The following PP2D1 variants were observed in gnomAD, a reference collection of about 807,000 sequenced individuals.
PP2D1 encodes the protein protein phosphatase 2C like domain containing 1, also known as protein phosphatase 2C-like domain-containing protein 1.
PP2D1 carries 25 observed loss-of-function variants against 30.2 expected under a neutral mutation model. The observed-to-expected ratio is 0.83, with a 90% CI of 0.60 to 1.16. The LOEUF is 1.16. Among genes scored for constraint, PP2D1 ranks in the 50% most tolerant of loss-of-function variants. PP2D1 has a pLI of 0.00. For missense variants in PP2D1, 760 were observed against 742.4 expected (o/e 1.02, Z -0.28); for synonymous variants, 260 against 258.9 (o/e 1.00, Z -0.04).
downstream of PP2D1, chr3:19,985,226 AT>A: frequency 1.6e-6 from 1 of 617,200 alleles, no homozygotes; most frequent in Non-Finnish European, 2.7e-6. Flanking sequence ...GTGAATATAT[AT>A]AAATGATACT....
chr3:19,988,449 C>G (rs1406196468), intron 2 of PP2D1, among the ~76,000 whole-genome samples: 1 of 152,170 alleles, frequency 6.6e-6, no homozygotes, highest in Admixed American at 6.5e-5. Flanking sequence ...GACCTGTTGT[C>G]TGCTCTCAAA....
chr3:19,998,981 G>A (rs1422172620), intron 2 of PP2D1, among the ~76,000 whole-genome samples: 1 of 151,854 alleles, frequency 6.6e-6, no homozygotes, highest in Non-Finnish European at 1.5e-5. Context: ...AATGCAACAT[G>A]CCTAGATGCA....
At chr3:19,988,326 C>T (rs560380509) in intron 2 of PP2D1, among the ~76,000 whole-genome samples, 12 of 152,248 alleles carry the variant, frequency 7.9e-5, no homozygotes, top group Admixed American at 1.3e-4. Context: ...TCTGAAATGG[C>T]CTCTCTGGGA....
At chr3:19,984,260 C>A, downstream of PP2D1, 1 of 429,552 alleles carries the variant, frequency 2.3e-6, no homozygotes, top group African/African-American at 2.1e-5. Context: ...TGATGCTTAG[C>A]CATAGTATTC....
chr3:19,990,468 T>A (rs1229736391), intron 2 of PP2D1, among the ~76,000 whole-genome samples: 1 of 151,850 alleles, frequency 6.6e-6, no homozygotes, highest in African/African-American at 2.4e-5. Flanking sequence ...TTTACCTGTA[T>A]GAATGGTGCA....
In PP2D1 at chr3:20,004,774, A is replaced by T. The variant is rs185020877; in HGVS notation, c.24-2678T>A. 4.2e-4 allele frequency among the ~76,000 whole-genome samples: 64 copies of T among 152,154 alleles called. 2 individuals carry two copies. In the East Asian group the frequency reaches 8.9e-3, roughly 21 times the overall value. On this transcript the variant is annotated intron_variant, in intron 1 of 2. Coordinates refer to ENST00000389050, the MANE Select transcript of PP2D1 (RefSeq NM_001252657.2). ...CCTATGAAAAGTTAGAGACCAGAAA[A>T]AAAAATACTTTGGTTACAAAATATT...
chr3:19,982,763 T>TAA (rs62910362), downstream of PP2D1, among the ~76,000 whole-genome samples: 20 of 139,872 alleles, frequency 1.4e-4, no homozygotes, highest in Admixed American at 2.9e-4. Flanking sequence ...CCTTGTCTCT[T>TAA]AAAAAAAAAA....
At chr3:19,984,577 C>T (rs890134387), downstream of PP2D1, 16 of 172,028 alleles carry the variant, frequency 9.3e-5, no homozygotes, top group African/African-American at 3.4e-4. Flanking sequence ...AATTAATCAC[C>T]GCTGGCCATT....
rs1559495520 is a variant in PP2D1 at position 19,985,749 on chromosome 3, C to G, written c.1524G>C (p.Gln508His). Residue 508 changes from glutamine (Q) to histidine (H), a missense_variant, in exon 3 of 3, where the codon CAG becomes CAC. By Grantham distance (24) the Gln-to-His change is conservative. Around this residue, in one of 3 missense-constraint regions of PP2D1, gnomAD observed 369 missense variants for 316.2 expected, o/e 1.17. Coordinates refer to ENST00000389050, the MANE Select transcript of PP2D1 (RefSeq NM_001252657.2). ...STSEPNLTKS[Q>H]SNIHVLFQYK... ...ACTGAAACAATACGTGGATATTACT[C>G]TGTGATTTAGTAAGGTTTGGTTCAC... is the stretch of plus-strand genomic sequence containing the variant. 1 of 1,536,064 alleles carries G rather than the reference C, an allele frequency of 6.5e-7. No individual in the cohort carries two copies.
chr3:19,985,749 C>T lies in PP2D1; in HGVS notation c.1524G>A (p.Gln508=). Residue 508 remains glutamine (Q), a synonymous_variant, in exon 3 of 3, where the codon CAG becomes CAA. Transcript: ENST00000389050. ...STSEPNLTKS[Q]SNIHVLFQYK... is the part of the protein sequence containing the mutation. The stretch of plus-strand genomic sequence containing the variant: ...ACTGAAACAATACGTGGATATTACT[C>T]TGTGATTTAGTAAGGTTTGGTTCAC... The T allele has an allele frequency of 6.5e-7, 1 of 1,536,064 alleles. No homozygotes were observed. Among genetic ancestry groups the T allele is most frequent in the Non-Finnish European group, 8.7e-7 (1 of 1,146,858 alleles).
downstream of PP2D1, among the ~76,000 whole-genome samples, chr3:19,980,429 T>C (rs1002992477): frequency 6.7e-6 from 1 of 148,928 alleles, no homozygotes; most frequent in African/African-American, 2.5e-5. Context: ...TTCCATTTCC[T>C]TCACTAGGTT....
chr3:19,998,233 G>A (rs1428270721), intron 2 of PP2D1, among the ~76,000 whole-genome samples: 1 of 152,122 alleles, frequency 6.6e-6, no homozygotes, highest in Non-Finnish European at 1.5e-5. Flanking sequence ...AGAAGGCTGA[G>A]GCAGGAGAAT....
chr3:19,998,257 G>T (rs927926871), intron 2 of PP2D1, among the ~76,000 whole-genome samples: 1 of 152,020 alleles, frequency 6.6e-6, no homozygotes, highest in Non-Finnish European at 1.5e-5. Context: ...TTAAACCCGG[G>T]AGGCGGAGAT....
At chr3:20,012,025 C>T in intron 1 of PP2D1, 25 bp downstream of exon 1, 1 of 1,513,938 alleles carries the variant, frequency 6.6e-7, no homozygotes, top group Non-Finnish European at 8.9e-7. Flanking sequence ...TACGTATTAT[C>T]CAAAAAAGAT....
At chr3:20,004,622 T>C (rs536193023) in intron 1 of PP2D1, among the ~76,000 whole-genome samples, 166 of 152,262 alleles carry the variant, frequency 1.1e-3, no homozygotes, top group African/African-American at 3.6e-3. Context: ...CTGGATGATA[T>C]ATTTCTGGAA....
At chr3:20,005,143 A>T (rs1259928700) in intron 1 of PP2D1, among the ~76,000 whole-genome samples, 1 of 124,580 alleles carries the variant, frequency 8.0e-6, no homozygotes, top group Non-Finnish European at 1.8e-5. Context: ...TTATATATAC[A>T]TTTTTTTTTT....
intron 1 of PP2D1, among the ~76,000 whole-genome samples, chr3:20,010,908 G>A (rs1227010352): frequency 6.6e-6 from 1 of 152,188 alleles, no homozygotes; most frequent in Non-Finnish European, 1.5e-5. Context: ...GATGCACCCT[G>A]CCCTTGAAGC....
intron 2 of PP2D1, 55 bp downstream of exon 2, chr3:20,000,975 G>T: frequency 9.6e-7 from 1 of 1,044,954 alleles, no homozygotes; most frequent in Non-Finnish European, 1.2e-6. Context: ...GAGGGGTTTT[G>T]CTGCAAGGAA....
chr3:19,996,516 T>G (rs1697182190), intron 2 of PP2D1, among the ~76,000 whole-genome samples: 5 of 152,078 alleles, frequency 3.3e-5, no homozygotes, highest in Admixed American at 3.3e-4. Context: ...TAAAAAAGAA[T>G]TAACACCAAT....
Sources: allele counts gnomAD v4.1 joint callset (sites outside exome capture counted in the v4.1 genomes callset), GRCh38; gene constraint gnomAD v4.1.1; regional missense constraint gnomAD v4.1.1; transcripts MANE v1.5; gene names NCBI Gene and HGNC (gene_info 2026-07-23, HGNC 2026-07-21).